The following AMOT variants were observed in gnomAD, a reference collection of about 807,000 sequenced individuals.
The protein encoded by AMOT is angiomotin.
AMOT carries 11 observed loss-of-function variants against 67.0 expected under a neutral mutation model. The observed-to-expected ratio is 0.16, with a 90% confidence interval of 0.10 to 0.27. The LOEUF (loss-of-function observed/expected upper bound fraction) is 0.27. Among genes scored for constraint, AMOT ranks in the 10% least tolerant of loss-of-function variants. The pLI is 1.00. For missense variants in AMOT, 753 were observed against 852.0 expected (o/e 0.88, Z 1.45); for synonymous variants, 326 against 321.4 (o/e 1.01, Z -0.15).
At position 112,840,483 on chromosome X, in the gene AMOT, C is replaced by G. The variant is rs1304463368; in HGVS notation, c.-320G>C. ...AGGCAAAGAAGACAAGGTGACGACT[C>G]TCTGCTCGCTCAAGTGGCTTCGGTC... On this transcript the variant is annotated 5_prime_UTR_variant, in exon 1 of 14. Coordinates refer to ENST00000371959, the MANE Select transcript of AMOT (RefSeq NM_001113490.2). The G allele has an allele frequency of 8.9e-6, 1 of 112,859 alleles. No homozygotes were observed. Among genetic ancestry groups the G allele is most frequent in the Non-Finnish European group, 1.9e-5 (1 of 53,379 alleles). The allele number at this position is 112,859 out of a possible 1,213,427, so 9.3% of individuals were successfully genotyped here. A position where few individuals can be genotyped will look rare whatever the true frequency, so the allele number is the denominator to read the frequency against.
intron 8 of AMOT, among the ~76,000 whole-genome samples, chrX:112,795,365 A>T (rs746695150): frequency 2.7e-5 from 3 of 110,457 alleles, no homozygotes; most frequent in Non-Finnish European, 3.8e-5. Flanking sequence ...GACAATTAGG[A>T]GACTTGGGTT....
At chrX:112,799,058 C>T (rs904896127) in intron 8 of AMOT, among the ~76,000 whole-genome samples, 14 of 110,494 alleles carry the variant, frequency 1.3e-4, no homozygotes, top group African/African-American at 4.6e-4. Context: ...TTTGTCTTAG[C>T]CATTTGCAAG....
intron 8 of AMOT, among the ~76,000 whole-genome samples, chrX:112,794,799 G>A (rs1933742154): frequency 8.9e-6 from 1 of 111,787 alleles, no homozygotes; most frequent in African/African-American, 3.3e-5. Flanking sequence ...AGTACTCCAG[G>A]TGGTTTGTTC....
At position 112,833,484 on chromosome X, in the gene AMOT, G is replaced by C. The variant is rs918883073; in HGVS notation, c.-288-1114C>G. Reference sequence around the variant, plus strand: ...AGAATGTTCCTGGGAGTAAAGGGGGGGGGGGGGTCATCAAAATTTTCTTAG... The same window carrying C: ...AGAATGTTCCTGGGAGTAAAGGGGGCGGGGGGGTCATCAAAATTTTCTTAG... On this transcript the variant is annotated intron_variant, in intron 1 of 13. Transcript: ENST00000371959. Among the ~76,000 whole-genome samples the C allele has an allele frequency of 3.6e-3, 369 of 103,253 alleles. 9 individuals carry two copies. The highest frequency in any genetic ancestry group is 0.013 in the African/African-American group (353 of 27,807). The allele number at this position is 103,253 out of a possible 115,157, so 89.7% of individuals were successfully genotyped here.
intron 1 of AMOT, among the ~76,000 whole-genome samples, chrX:112,838,939 T>C (rs1004794804): frequency 8.9e-6 from 1 of 112,352 alleles, no homozygotes; most frequent in African/African-American, 3.2e-5. Flanking sequence ...CATCTGTAAA[T>C]AGAGGCAACT....
intron 8 of AMOT, among the ~76,000 whole-genome samples, chrX:112,798,934 C>T (rs947431566): frequency 1.8e-5 from 2 of 111,780 alleles, no homozygotes; most frequent in Non-Finnish European, 3.8e-5. Context: ...AAATCTGATC[C>T]CTGCAAATGA....
intron 1 of AMOT, among the ~76,000 whole-genome samples, chrX:112,839,431 ATCT>A (rs769474182): frequency 8.9e-6 from 1 of 112,274 alleles, no homozygotes; most frequent in South Asian, 3.7e-4. Flanking sequence ...GTGACTAATT[ATCT>A]TCTTCTCTGA....
chrX:112,794,309 G>A (rs765750606), intron 8 of AMOT, among the ~76,000 whole-genome samples: 10 of 111,867 alleles, frequency 8.9e-5, no homozygotes, highest in African/African-American at 2.9e-4. Context: ...GGAGTTCTCC[G>A]AGTTGGCTAA....
Position 112,822,410 on chromosome X carries a change from T to C in AMOT, c.717A>G (p.Pro239=). ...SLKGMEHRGP[P]PEYPFKGMPP... is the part of the protein sequence containing the mutation. ...GCATGCCCTTGAAGGGATATTCTGG[T>C]GGGGGGCCTCGGTGTTCCATGCCCT... Residue 239 remains proline (P), a synonymous_variant, in exon 4 of 14, where the codon CCA becomes CCG. Transcript: ENST00000371959. 8.6e-7 allele frequency: 1 copy of C among 1,167,486 alleles called. No homozygotes were observed. The highest frequency in any genetic ancestry group is 1.1e-6 in the Non-Finnish European group (1 of 872,927).
chrX:112,826,264 A>C (rs1352813043), intron 2 of AMOT, among the ~76,000 whole-genome samples: 8 of 112,226 alleles, frequency 7.1e-5, no homozygotes, highest in Admixed American at 3.8e-4. Flanking sequence ...CCATGAGAGG[A>C]GGAAAGCAAT....
chrX:112,796,136 ACT>A (rs1445605449), intron 8 of AMOT, among the ~76,000 whole-genome samples: 2 of 111,360 alleles, frequency 1.8e-5, no homozygotes, highest in Non-Finnish European at 3.8e-5. Context: ...CACCTTCAAC[ACT>A]GACCAATATC....
chrX:112,796,656 C>T (rs1355434976), intron 8 of AMOT, among the ~76,000 whole-genome samples: 1 of 111,835 alleles, frequency 8.9e-6, no homozygotes, highest in Non-Finnish European at 1.9e-5. Context: ...TCTTTAGATC[C>T]ACTTTCTCCC....
At position 112,778,622 on chromosome X, in the gene AMOT, G is replaced by A. The variant is rs1932998674; in HGVS notation, c.3200C>T (p.Pro1067Leu). 1 of 1,207,866 alleles carries A rather than the reference G, an allele frequency of 8.3e-7. No individual in the cohort carries two copies. Among genetic ancestry groups the A allele is most frequent in the African/African-American group, 1.7e-5 (1 of 57,781 alleles). ...FHSNTLERKT[P>L]IQILGQEPDA... ...AGGCTCTTGTCCCAGGATCTGAATG[G>A]GAGTTTTTCTTTCCAGAGTATTGGA... The change falls in exon 14 of 14, where the codon CCC (proline) becomes CTC (leucine). Residue 1067 changes from proline to leucine, a missense_variant. By Grantham distance (98) the Pro-to-Leu change is moderately conservative. Transcript: ENST00000371959.
chrX:112,790,068 TGAGGTTATGCACATA>T (rs1214643821), intron 10 of AMOT, among the ~76,000 whole-genome samples: 1 of 102,935 alleles, frequency 9.7e-6, no homozygotes, highest in African/African-American at 3.6e-5. Context: ...TCACGCACGA[TGAGGTTATGCACATA>T]GAGAATGTGG....
In AMOT at chrX:112,824,746, T is replaced by C. The variant is rs188906496; in HGVS notation, c.-63+326A>G. Among the ~76,000 whole-genome samples the C allele has an allele frequency of 4.0e-4, 44 of 111,385 alleles. 1 individual carries two copies. In the East Asian group the frequency reaches 0.012, roughly 31 times the overall value. ...GCCTCCAGGACTCCTGTACTTGAAC[T>C]GTCAAATTGGGATATTCTGATAGGC... On this transcript the variant is annotated intron_variant, in intron 3 of 13. Transcript: ENST00000371959.
intron 8 of AMOT, among the ~76,000 whole-genome samples, chrX:112,802,013 C>G (rs931302186): frequency 8.9e-6 from 1 of 112,175 alleles, no homozygotes; most frequent in Non-Finnish European, 1.9e-5. Flanking sequence ...ATATGGGACA[C>G]AGGCAGGTTA....
chrX:112,838,355 C>T (rs1330211949), intron 1 of AMOT, among the ~76,000 whole-genome samples: 5 of 111,816 alleles, frequency 4.5e-5, no homozygotes, highest in Non-Finnish European at 9.4e-5. Flanking sequence ...GAAGAAGGGC[C>T]GCTTAATTAC....
In AMOT at chrX:112,783,691, A is replaced by ATGTGTGTGTGTGTGTGTG. The variant is rs34787381; in HGVS notation, c.2118-1047_2118-1030dup. Among the ~76,000 whole-genome samples the ATGTGTGTGTGTGTGTGTG allele has an allele frequency of 4.0e-5, 4 of 100,655 alleles. No individual in the cohort carries two copies. The South Asian group carries it at 1.9e-3, about 47-fold the overall frequency. 87.4% of individuals were successfully genotyped at this position (100,655 alleles called of 115,157 possible). On this transcript the variant is annotated intron_variant, in intron 10 of 13. Coordinates refer to ENST00000371959, the MANE Select transcript of AMOT (RefSeq NM_001113490.2). The stretch of plus-strand genomic sequence containing the variant: ...CAAAGACCAATTAATAAGGAAAAAC[A>ATGTGTGTGTGTGTGTGTG]TGTGTGTGTGTGTGTGTGTGTGTGT...
intron 10 of AMOT, among the ~76,000 whole-genome samples, chrX:112,789,459 T>C (rs1328333217): frequency 1.8e-5 from 2 of 110,382 alleles, no homozygotes; most frequent in Middle Eastern, 4.3e-3. Flanking sequence ...ATTTGAGGCA[T>C]AGATGATATC....
Sources: allele counts gnomAD v4.1 joint callset (sites outside exome capture counted in the v4.1 genomes callset), GRCh38; gene constraint gnomAD v4.1.1; transcripts MANE v1.5; gene names NCBI Gene and HGNC (gene_info 2026-07-23, HGNC 2026-07-21).